SPATA6: variants seen among roughly 807,000 people sequenced by gnomAD.
The protein encoded by SPATA6 is spermatogenesis-associated protein 6.
Under a neutral mutation model 65.3 loss-of-function variants are expected in SPATA6, and 56 were observed. The observed-to-expected ratio is 0.86, with a 90% CI of 0.69 to 1.07. The LOEUF is 1.07. SPATA6 is among the 50% of genes least tolerant of loss of function. The pLI is 0.00. For missense variants in SPATA6, 590 were observed against 594.8 expected, an observed-to-expected ratio of 0.99 and a Z score of 0.08; for synonymous variants, 199 against 213.2, an observed-to-expected ratio of 0.93 and a Z score of 0.58.
chr1:48,450,321 G>C (rs1336656821), intron 3 of SPATA6, among the ~76,000 whole-genome samples: 3 of 138,532 alleles, frequency 2.2e-5, no homozygotes, highest in African/African-American at 8.1e-5. Context: ...GAATACTAGT[G>C]GTTGGGAAGA....
chr1:48,314,044 G>C (rs1268511147), intron 11 of SPATA6, among the ~76,000 whole-genome samples: 1 of 152,116 alleles, frequency 6.6e-6, no homozygotes, highest in Non-Finnish European at 1.5e-5. Flanking sequence ...CATAAAGCAA[G>C]TCCTTAGAGA....
the SPATA6 span, among the ~76,000 whole-genome samples, chr1:48,279,644 T>C: frequency 2.0e-5 from 3 of 152,320 alleles, no homozygotes; most frequent in Non-Finnish European, 4.4e-5. Context: ...ATCCTAAATA[T>C]ATATGCACCC....
intron 3 of SPATA6, among the ~76,000 whole-genome samples, chr1:48,437,898 A>G (rs1316412949): frequency 4.3e-5 from 2 of 46,530 alleles, no homozygotes; most frequent in Non-Finnish European, 2.0e-4. Flanking sequence ...CTGAATTGAG[A>G]AAAAAAAAAA....
intron 8 of SPATA6, 75 bp from the exon 9 acceptor site, chr1:48,385,424 T>C (rs1649362912): frequency 7.8e-7 from 1 of 1,284,166 alleles, no homozygotes; most frequent in Non-Finnish European, 1.1e-6. Context: ...TCATTGTTTC[T>C]ACAATTATAA....
chr1:48,343,373 T>C (rs892303095), intron 11 of SPATA6, among the ~76,000 whole-genome samples: 2 of 152,168 alleles, frequency 1.3e-5, no homozygotes, highest in Non-Finnish European at 2.9e-5. Flanking sequence ...CTTTGGAGAA[T>C]GTTAAAGAAC....
intron 7 of SPATA6, among the ~76,000 whole-genome samples, chr1:48,397,864 T>A (rs914019123): frequency 5.3e-5 from 8 of 151,634 alleles, no homozygotes; most frequent in African/African-American, 1.9e-4. Flanking sequence ...AATATTAGAA[T>A]TATTCCATTC....
downstream of SPATA6, among the ~76,000 whole-genome samples, chr1:48,294,155 C>T (rs2148625369): frequency 6.6e-6 from 1 of 152,296 alleles, no homozygotes; most frequent in South Asian, 2.1e-4. Context: ...TGGCTCACTG[C>T]AGCCTCCACC....
In SPATA6 at chr1:48,399,586, CTGT is replaced by C; in HGVS notation, c.542_544del (p.Asn181del). ...TTTTTTCTTTTGTGATCTTGATGTT[CTGT>C]TTTGCAGTCTGCCATGTGATTTTTC... On this transcript the variant is annotated inframe_deletion, in exon 7 of 13. Transcript: ENST00000371847. 2.5e-6 allele frequency: 4 copies of C among 1,612,256 alleles called. No individual in the cohort carries two copies. Among genetic ancestry groups the C allele is most frequent in the Non-Finnish European group, 3.4e-6 (4 of 1,179,032 alleles).
At chr1:48,404,496 C>T (rs920680930) in intron 5 of SPATA6, among the ~76,000 whole-genome samples, 1 of 152,012 alleles carries the variant, frequency 6.6e-6, no homozygotes, top group Non-Finnish European at 1.5e-5. Context: ...GATACACCAC[C>T]ACATTCAGCT....
chr1:48,460,328 TTC>T (rs1412270984), intron 1 of SPATA6, among the ~76,000 whole-genome samples: 3 of 152,160 alleles, frequency 2.0e-5, no homozygotes, highest in Non-Finnish European at 2.9e-5. Flanking sequence ...TTAATTAATT[TTC>T]TGTTTGGAAA....
At chr1:48,395,858 T>TA (rs960421476) in intron 7 of SPATA6, among the ~76,000 whole-genome samples, 1 of 151,370 alleles carries the variant, frequency 6.6e-6, no homozygotes, top group African/African-American at 2.4e-5. Context: ...TACAAATGTA[T>TA]AAAAAAAATT....
At chr1:48,388,772 G>A (rs987744287) in intron 8 of SPATA6, among the ~76,000 whole-genome samples, 8 of 151,710 alleles carry the variant, frequency 5.3e-5, no homozygotes, top group Non-Finnish European at 7.4e-5. Flanking sequence ...GCAGTGGCAC[G>A]ATTTTGGCTC....
intron 9 of SPATA6, among the ~76,000 whole-genome samples, chr1:48,380,322 T>A (rs897878829): frequency 6.6e-6 from 1 of 152,372 alleles, no homozygotes. Context: ...GATATATTTA[T>A]ATGACAATCT....
chr1:48,396,061 C>T (rs925162679), intron 7 of SPATA6, among the ~76,000 whole-genome samples: 3 of 151,464 alleles, frequency 2.0e-5, no homozygotes, highest in Non-Finnish European at 4.4e-5. Flanking sequence ...AGACATTTAT[C>T]CAAAGAAGTT....
intron 11 of SPATA6, among the ~76,000 whole-genome samples, chr1:48,334,728 C>T (rs1488104774): frequency 2.0e-5 from 3 of 152,146 alleles, no homozygotes; most frequent in African/African-American, 7.2e-5. Context: ...CGGCATAAGA[C>T]AAGGATGCCC....
In SPATA6 at chr1:48,366,511, G is replaced by C. The variant is rs1159627762; in HGVS notation, c.910-6741C>G. ...GTCTATTCAGAGTCAACTTCTTCCT[G>C]GTTTACTCTTGGGAGGGTGTATGTG... On this transcript the variant is annotated intron_variant, in intron 9 of 12. Transcript: ENST00000371847. 2.0e-5 allele frequency among the ~76,000 whole-genome samples: 3 copies of C among 152,264 alleles called. No individual in the cohort carries two copies. The South Asian group carries it at 6.2e-4, about 32-fold the overall frequency.
Position 48,359,684 on chromosome 1 carries a change from G to C in SPATA6, c.996C>G (p.Pro332=). ...EYLSPRSCSK[P]RHSARTLLVH... Reference sequence around the variant, plus strand: ...CTAGCAAGGTCCTCGCTGAATGCCGGGGCTTACTACACGACCTTGGGCTCA... The same window carrying C: ...CTAGCAAGGTCCTCGCTGAATGCCGCGGCTTACTACACGACCTTGGGCTCA... Residue 332 remains proline, a synonymous_variant, in exon 10 of 13, where the codon CCC becomes CCG. Transcript: ENST00000371847. The C allele has an allele frequency of 1.9e-6, 3 of 1,613,588 alleles. No individual in the cohort carries two copies. Among genetic ancestry groups the C allele is most frequent in the Non-Finnish European group, 2.5e-6 (3 of 1,179,824 alleles).
chr1:48,448,296 A>G (rs150208705), intron 3 of SPATA6, among the ~76,000 whole-genome samples: 8 of 151,946 alleles, frequency 5.3e-5, no homozygotes, highest in Middle Eastern at 3.4e-3. Context: ...AAAAAGGAAG[A>G]GCAAAGCATA....
chr1:48,422,113 T>C (rs1356229333), intron 3 of SPATA6, among the ~76,000 whole-genome samples: 2 of 151,346 alleles, frequency 1.3e-5, no homozygotes, highest in African/African-American at 4.9e-5. Context: ...GATGGGAGAG[T>C]ATAGAAAGGG....
Sources: gnomAD v4.1 joint callset for allele counts (sites outside exome capture counted in the v4.1 genomes callset) on GRCh38, gnomAD v4.1.1 for gene constraint, MANE v1.5 for transcripts, NCBI Gene and HGNC (gene_info 2026-07-23, HGNC 2026-07-21) for gene names.